Variants in CSK observed in about 807,000 individuals in gnomAD.
CSK encodes C-terminal Src kinase, also known as tyrosine-protein kinase CSK.
In CSK, 7 loss-of-function variants were observed where a neutral mutation model predicts 62.3. The observed-to-expected ratio is 0.11, with a 90% CI of 0.06 to 0.21. The LOEUF (loss-of-function observed/expected upper bound fraction) is 0.21, where lower values mean the gene tolerates loss of function less well. CSK is among the 10% of genes least tolerant of loss of function. The pLI is 1.00. For synonymous variants in CSK, 237 were observed against 246.0 expected, an observed-to-expected ratio of 0.96 and a Z score of 0.34; for missense variants, 294 against 613.5, an observed-to-expected ratio of 0.48 and a Z score of 5.50.
At chr15:74,796,678 C>T (rs1022474277) in intron 1 of CSK, among the ~76,000 whole-genome samples, 52 of 151,932 alleles carry the variant, frequency 3.4e-4, no homozygotes, top group Non-Finnish European at 1.9e-4. Context: ...TTCAAGTGTG[C>T]ACTATACACC....
rs1263311123 is a variant in CSK, at chr15:74,801,897, C to T, written c.1083+7C>T. On this transcript the variant is annotated splice_region_variant and intron_variant, in intron 11 of 12. Transcript: ENST00000220003. Reference sequence around the variant, plus strand: ...TGAGGCCCTGAGAGAGAAGGTGGGGCTGGCCTCCCCTGGGGCCTACAGAGG... The same window carrying T: ...TGAGGCCCTGAGAGAGAAGGTGGGGTTGGCCTCCCCTGGGGCCTACAGAGG... 3 of 1,608,846 alleles carry T rather than the reference C, an allele frequency of 1.9e-6. No individual in the cohort carries two copies. The highest frequency in any genetic ancestry group is 2.6e-6 in the Non-Finnish European group (3 of 1,176,318).
At chr15:74,787,635 T>C (rs1234786382) in intron 1 of CSK, among the ~76,000 whole-genome samples, 1 of 152,102 alleles carries the variant, frequency 6.6e-6, no homozygotes, top group South Asian at 2.1e-4. Flanking sequence ...CATCACACAC[T>C]AGCTGTGCAC....
In CSK at chr15:74,802,681, A is replaced by G; in HGVS notation, c.*168A>G. On this transcript the variant is annotated 3_prime_UTR_variant, in exon 13 of 13. Coordinates refer to ENST00000220003, the MANE Select transcript of CSK (RefSeq NM_004383.3). ...CTCCGGCCCCGTCTCTCTTGGACCC[A>G]CCTGTGGGGCCTGGGGAGCCCACTG... is the stretch of plus-strand genomic sequence containing the variant. The G allele has an allele frequency of 1.2e-6, 1 of 804,466 alleles. No individual in the cohort carries two copies. 49.8% of individuals were successfully genotyped at this position (804,466 alleles called of 1,614,324 possible). A position where few individuals can be genotyped will look rare whatever the true frequency, so the allele number is the denominator to read the frequency against.
chr15:74,798,734 C>T lies in CSK; in HGVS notation c.129+6C>T. 6.2e-7 allele frequency: 1 copy of T among 1,612,094 alleles called. No individual in the cohort carries two copies. The highest frequency in any genetic ancestry group is 8.5e-7 in the Non-Finnish European group (1 of 1,178,632). On this transcript the variant is annotated splice_donor_region_variant and intron_variant, in intron 3 of 12. Coordinates refer to ENST00000220003, the MANE Select transcript of CSK (RefSeq NM_004383.3). The surrounding 1 kb of genome is among the most constrained non-coding windows in gnomAD (Gnocchi z 6.6). The stretch of plus-strand genomic sequence containing the variant: ...CCATTGTGGCCGTCACCAAGGTAAT[C>T]AGGTGACGCCCACCCCACCATCCCA...
intron 1 of CSK, among the ~76,000 whole-genome samples, chr15:74,783,463 T>C (rs1157581083): frequency 6.6e-6 from 1 of 152,206 alleles, no homozygotes; most frequent in East Asian, 1.9e-4. Context: ...CCGCCCATTT[T>C]GTACACCCGG....
chr15:74,800,702 A>T lies in CSK; in HGVS notation c.578A>T (p.Lys193Met). ...ACAGGCGGCTGGGCCCTGAACATGA[A>T]GGAGCTGAAGCTGCTGCAGACCATC... ...FYRSGWALNM[K>M]ELKLLQTIGK... Residue 193 changes from lysine (K) to methionine (M), a missense_variant, in exon 7 of 13, where the codon AAG (lysine) becomes ATG (methionine). Transcript: ENST00000220003. 1 of 1,560,412 alleles carries T rather than the reference A, an allele frequency of 6.4e-7. No individual in the cohort carries two copies. The highest frequency in any genetic ancestry group is 8.7e-7 in the Non-Finnish European group (1 of 1,151,662).
In CSK at chr15:74,786,013, T is replaced by TTTTTTGTGTGTGTGTGTGTG; in HGVS notation, c.-66+3294_-66+3295insTTTTGTGTGTGTGTGTGTGT. On this transcript the variant is annotated intron_variant, in intron 1 of 12. Coordinates refer to ENST00000220003, the MANE Select transcript of CSK (RefSeq NM_004383.3). ...CTCTCTCTCTCTCTCTTTTTTTTTT[T>TTTTTTGTGTGTGTGTGTGTG]TGTGTGTGTGTGTGTGTGTGTGTGT... Among the ~76,000 whole-genome samples the TTTTTTGTGTGTGTGTGTGTG allele has an allele frequency of 1.3e-3, 64 of 47,824 alleles. 1 individual carries two copies. Among genetic ancestry groups the TTTTTTGTGTGTGTGTGTGTG allele is most frequent in the African/African-American group, 4.1e-3 (61 of 14,918 alleles). 31.4% of individuals were successfully genotyped at this position (47,824 alleles called of 152,430 possible).
intron 1 of CSK, among the ~76,000 whole-genome samples, chr15:74,785,229 T>C (rs745874914): frequency 5.9e-5 from 9 of 152,212 alleles, no homozygotes; most frequent in Non-Finnish European, 1.3e-4. Context: ...CCTTTTTTCA[T>C]TTAATACTGC....
intron 1 of CSK, among the ~76,000 whole-genome samples, chr15:74,783,830 G>A (rs2063475769): frequency 1.3e-5 from 2 of 152,330 alleles, no homozygotes; most frequent in South Asian, 4.1e-4. Context: ...GGTCAGTCCT[G>A]ACCCAGCACT....
At position 74,800,817 on chromosome 15, in the gene CSK, C is replaced by T. The variant is rs1464713371; in HGVS notation, c.623-6C>T. ...CTTGGGAACAAGACCACCTCTCTGC[C>T]CCCAGACGTGATGCTGGGCGATTAC... On this transcript the variant is annotated splice_region_variant and splice_polypyrimidine_tract_variant and intron_variant, in intron 7 of 12. Coordinates refer to ENST00000220003, the MANE Select transcript of CSK (RefSeq NM_004383.3). The T allele has an allele frequency of 1.9e-6, 3 of 1,610,312 alleles. No individual in the cohort carries two copies. The highest frequency in any genetic ancestry group is 2.2e-5 in the South Asian group (2 of 90,560).
chr15:74,799,096 T>G (rs1596372304), intron 4 of CSK, 158 bp downstream of exon 4: 1 of 952,908 alleles, frequency 1.0e-6, no homozygotes, highest in Non-Finnish European at 1.5e-6. Flanking sequence ...AGAGCAGGGC[T>G]GGGGGCAGAG....
At chr15:74,786,002 C>CTTTTTTTTTTTTTTTTT (rs536939856) in intron 1 of CSK, among the ~76,000 whole-genome samples, 8 of 73,628 alleles carry the variant, frequency 1.1e-4, no homozygotes, top group Non-Finnish European at 2.0e-4. Flanking sequence ...CTCTCTCTCT[C>CTTTTTTTTTTTTTTTTT]TTTTTTTTTT....
Position 74,799,262 on chromosome 15 carries a change from T to C in CSK, c.243-10T>C. 6.2e-7 allele frequency: 1 copy of C among 1,602,876 alleles called. No individual in the cohort carries two copies. Among genetic ancestry groups the C allele is most frequent in the Non-Finnish European group, 8.5e-7 (1 of 1,174,548 alleles). On this transcript the variant is annotated splice_polypyrimidine_tract_variant and intron_variant, in intron 4 of 12. Coordinates refer to ENST00000220003, the MANE Select transcript of CSK (RefSeq NM_004383.3). ...GGGCCACCATGACCTCCAGCCCTGC[T>C]GCTCCCCAGTTGGTTCCACGGCAAG...
At position 74,802,670 on chromosome 15, in the gene CSK, C is replaced by G. The variant is rs2063811841; in HGVS notation, c.*157C>G. The G allele has an allele frequency of 1.1e-6, 1 of 893,358 alleles. No homozygotes were observed. The highest frequency in any genetic ancestry group is 1.8e-5 in the African/African-American group (1 of 56,900). 55.3% of individuals were successfully genotyped at this position (893,358 alleles called of 1,614,324 possible). A position where few individuals can be genotyped will look rare whatever the true frequency, so the allele number is the denominator to read the frequency against. ...AGCCTGCACCCCTCCGGCCCCGTCT[C>G]TCTTGGACCCACCTGTGGGGCCTGG... On this transcript the variant is annotated 3_prime_UTR_variant, in exon 13 of 13. Transcript: ENST00000220003.
chr15:74,802,654 C>A lies in CSK; in HGVS notation c.*141C>A. 1.9e-6 allele frequency: 2 copies of A among 1,030,548 alleles called. No individual in the cohort carries two copies. The highest frequency in any genetic ancestry group is 1.6e-5 in the South Asian group (1 of 60,980). The allele number at this position is 1,030,548 out of a possible 1,614,324, so 63.8% of individuals were successfully genotyped here. On this transcript the variant is annotated 3_prime_UTR_variant, in exon 13 of 13. Transcript: ENST00000220003. ...CTTTTTCCTGCGTCCCAGCCTGCAC[C>A]CCTCCGGCCCCGTCTCTCTTGGACC...
Position 74,799,320 on chromosome 15 carries a change from C to T in CSK, c.291C>T (p.Tyr97=). 2.5e-6 allele frequency: 4 copies of T among 1,612,198 alleles called. No homozygotes were observed. The highest frequency in any genetic ancestry group is 3.4e-6 in the Non-Finnish European group (4 of 1,179,932). The stretch of plus-strand genomic sequence containing the variant: ...GGGAGCAGGCTGAGCGGCTTCTGTA[C>T]CCGCCGGAGACAGGCCTGTTCCTGG... ...ITREQAERLL[Y]PPETGLFLVR... is the part of the protein sequence containing the mutation. The change falls in exon 5 of 13, where the codon TAC becomes TAT. Residue 97 remains tyrosine, a synonymous_variant. Transcript: ENST00000220003.
In CSK at chr15:74,801,872, T is replaced by A. The variant is rs755318637; in HGVS notation, c.1065T>A (p.Pro355=). The A allele has an allele frequency of 1.2e-6, 2 of 1,611,798 alleles. No individual in the cohort carries two copies. Among genetic ancestry groups the A allele is most frequent in the African/African-American group, 2.7e-5 (2 of 75,000 alleles). The stretch of plus-strand genomic sequence containing the variant: ...AGCTGCCAGTCAAGTGGACAGCCCC[T>A]GAGGCCCTGAGAGAGAAGGTGGGGC... ...TGKLPVKWTA[P]EALREKKFST... Residue 355 remains proline (P), a synonymous_variant, in exon 11 of 13, where the codon CCT becomes CCA. Transcript: ENST00000220003.
At chr15:74,783,030 G>C (rs1481138269) in intron 1 of CSK, among the ~76,000 whole-genome samples, 1 of 152,180 alleles carries the variant, frequency 6.6e-6, no homozygotes, top group African/African-American at 2.4e-5. Flanking sequence ...AAGAGGATCC[G>C]TATGGGCCAG....
rs575969881 is a variant in CSK, at chr15:74,801,785, C to T, written c.978C>T (p.Asn326=). 1.1e-5 allele frequency: 17 copies of T among 1,614,022 alleles called. No individual in the cohort carries two copies. The highest frequency in any genetic ancestry group is 1.6e-4 in the Middle Eastern group (1 of 6,062). ...AARNVLVSED[N]VAKVSDFGLT... is the part of the protein sequence containing the mutation. ...GCAATGTGCTGGTGTCTGAGGACAA[C>T]GTGGCCAAGGTCAGCGACTTTGGTC... The change falls in exon 11 of 13, where the codon AAC becomes AAT. Residue 326 remains asparagine (N), a synonymous_variant. Coordinates refer to ENST00000220003, the MANE Select transcript of CSK (RefSeq NM_004383.3).
Sources: gnomAD v4.1 joint callset for allele counts (sites outside exome capture counted in the v4.1 genomes callset) on GRCh38, gnomAD v4.1.1 for gene constraint, Gnocchi (gnomAD v3.1) non-coding constraint, MANE v1.5 for transcripts, NCBI Gene and HGNC (gene_info 2026-07-23, HGNC 2026-07-21) for gene names.